The following FRMPD1 variants were observed in gnomAD, a reference collection of about 807,000 sequenced individuals.
The protein encoded by FRMPD1 is FERM and PDZ domain-containing protein 1.
Under a neutral mutation model 117.8 loss-of-function variants are expected in FRMPD1, and 76 were observed. That is an observed-to-expected ratio of 0.65 (90% confidence interval 0.54 to 0.78). The LOEUF (loss-of-function observed/expected upper bound fraction) is 0.78, where lower values mean the gene tolerates loss of function less well. FRMPD1 is among the 30% of genes least tolerant of loss of function. FRMPD1 has a pLI of 0.00. For missense variants in FRMPD1, 1,786 were observed against 1,964.5 expected (o/e 0.91, Z 1.72); for synonymous variants, 783 against 770.4 (o/e 1.02, Z -0.27).
intron 15 of FRMPD1, among the ~76,000 whole-genome samples, 194 bp from the exon 16 acceptor site, chr9:37,744,195 A>C (rs1298659855): frequency 6.6e-6 from 1 of 152,132 alleles, no homozygotes; most frequent in African/African-American, 2.4e-5. Flanking sequence ...GTCTCAAAAA[A>C]ATAAAAAAAA....
chr9:37,714,700 G>A (rs577608929), intron 5 of FRMPD1, among the ~76,000 whole-genome samples: 81 of 151,800 alleles, frequency 5.3e-4, no homozygotes, highest in South Asian at 2.1e-3. Context: ...AGGCTGGAGT[G>A]CAGTGGCGTG....
chr9:37,736,352 T>C (rs1427418075), intron 13 of FRMPD1, among the ~76,000 whole-genome samples: 1 of 151,720 alleles, frequency 6.6e-6, no homozygotes, highest in African/African-American at 2.4e-5. Context: ...TCAAAAGCTT[T>C]GAGTGGTGGG....
At chr9:37,722,990 C>G (rs967061438) in intron 6 of FRMPD1, among the ~76,000 whole-genome samples, 5 of 152,188 alleles carry the variant, frequency 3.3e-5, no homozygotes, top group African/African-American at 9.6e-5. Flanking sequence ...CCAACACAGA[C>G]CAGTCCTGTG....
chr9:37,739,305 C>G (rs187376399), intron 14 of FRMPD1, among the ~76,000 whole-genome samples: 28 of 152,272 alleles, frequency 1.8e-4, no homozygotes, highest in African/African-American at 6.0e-4. Context: ...GAGTCTGTAA[C>G]TGTTGTGGGG....
At chr9:37,650,163 A>G (rs1402095068), upstream of FRMPD1, among the ~76,000 whole-genome samples, 1 of 152,092 alleles carries the variant, frequency 6.6e-6, no homozygotes, top group Non-Finnish European at 1.5e-5. Context: ...CAGGATATGG[A>G]CCTCGTAGGT....
intron 4 of FRMPD1, 65 bp from the exon 5 acceptor site, chr9:37,711,285 G>T: frequency 2.0e-6 from 2 of 979,760 alleles, no homozygotes; most frequent in South Asian, 2.6e-5. Flanking sequence ...ACACATGTAT[G>T]CATGCACGTG....
the FRMPD1 span, among the ~76,000 whole-genome samples, chr9:37,618,395 C>T: frequency 2.0e-5 from 3 of 152,178 alleles, no homozygotes; most frequent in Non-Finnish European, 4.4e-5. Flanking sequence ...TCCACTGCTA[C>T]TTCTCATCAG....
rs761435424 is a variant in FRMPD1 at position 37,746,213 on chromosome 9, C to T, written c.4181C>T (p.Ser1394Leu). 3.2e-5 allele frequency: 51 copies of T among 1,613,144 alleles called. No homozygotes were observed. The highest frequency in any genetic ancestry group is 8.3e-5 in the Admixed American group (5 of 60,006). The change falls in exon 16 of 16, where the codon TCG becomes TTG. Residue 1394 changes from serine to leucine, a missense_variant. Physicochemically the swap from Ser to Leu is moderately radical, Grantham distance 145. Coordinates refer to ENST00000377765, the MANE Select transcript of FRMPD1 (RefSeq NM_014907.3). ...CACAGCTGCACCACCGCACCCCTGT[C>T]GAGGAAAAGCCACATCTGGCCAGAG... ...RAHSCTTAPL[S>L]RKSHIWPEYC...
intron 1 of FRMPD1, among the ~76,000 whole-genome samples, chr9:37,685,487 CAAA>C (rs770271962): frequency 7.2e-6 from 1 of 139,564 alleles, no homozygotes; most frequent in Admixed American, 7.1e-5. Flanking sequence ...ACTAAAAATA[CAAA>C]AAAAAAAAAA....
the FRMPD1 span, among the ~76,000 whole-genome samples, chr9:37,609,872 C>G: frequency 6.6e-6 from 1 of 152,152 alleles, no homozygotes; most frequent in African/African-American, 2.4e-5. Flanking sequence ...CTACTCAGGG[C>G]CCCAGAGTCT....
chr9:37,743,963 C>T (rs1163672464), intron 15 of FRMPD1, among the ~76,000 whole-genome samples: 1 of 151,168 alleles, frequency 6.6e-6, no homozygotes. Flanking sequence ...CCTAGGTAGG[C>T]GGATCATTTG....
the FRMPD1 span, among the ~76,000 whole-genome samples, chr9:37,615,168 A>C: frequency 6.6e-6 from 1 of 151,924 alleles, no homozygotes; most frequent in Non-Finnish European, 1.5e-5. Context: ...GTTGGAATGC[A>C]GTGGCGTGAT....
chr9:37,612,275 T>A, the FRMPD1 span, among the ~76,000 whole-genome samples: 1 of 152,232 alleles, frequency 6.6e-6, no homozygotes, highest in Admixed American at 6.5e-5. Flanking sequence ...CACAAACTTA[T>A]GAGGGGTGTG....
At chr9:37,708,356 T>C (rs747636192) in intron 3 of FRMPD1, 43 bp from the exon 4 acceptor site, 12 of 1,213,516 alleles carry the variant, frequency 9.9e-6, no homozygotes, top group Middle Eastern at 2.4e-4. Flanking sequence ...AGAGTCTGGG[T>C]CCTCCCGGCA....
chr9:37,645,965 G>A (rs1824132889), upstream of FRMPD1, among the ~76,000 whole-genome samples: 1 of 152,202 alleles, frequency 6.6e-6, no homozygotes, highest in Non-Finnish European at 1.5e-5. Flanking sequence ...GAGGAGTAAA[G>A]TGTAGCTCAG....
chr9:37,606,269 A>G, the FRMPD1 span, among the ~76,000 whole-genome samples: 1 of 152,210 alleles, frequency 6.6e-6, no homozygotes, highest in African/African-American at 2.4e-5. Flanking sequence ...GGAAGAGGGC[A>G]TTTATTCTGT....
chr9:37,741,450 GACACACACACACACACACAC>G (rs56971939), intron 15 of FRMPD1, among the ~76,000 whole-genome samples: 7 of 135,590 alleles, frequency 5.2e-5, no homozygotes, highest in Non-Finnish European at 9.5e-5. Flanking sequence ...ATCCTGGCAG[GACACACACACACACACACAC>G]ACACACACAC....
At position 37,729,768 on chromosome 9, in the gene FRMPD1, G is replaced by C; in HGVS notation, c.653G>C (p.Ser218Thr). ...LTVKEKLSIR[S>T]IEYFALALEE... ...GTGAAGGAGAAGCTGTCCATCCGAA[G>C]TATCGAGTACTTTGCACTGGCCCTG... Residue 218 changes from serine (S) to threonine (T), a missense_variant, in exon 8 of 16, where the codon AGT (serine) becomes ACT (threonine). Transcript: ENST00000377765. 6.2e-7 allele frequency: 1 copy of C among 1,614,088 alleles called. No individual in the cohort carries two copies. Among genetic ancestry groups the C allele is most frequent in the Non-Finnish European group, 8.5e-7 (1 of 1,179,958 alleles).
intron 15 of FRMPD1, among the ~76,000 whole-genome samples, chr9:37,742,621 G>A (rs1437813217): frequency 3.9e-5 from 6 of 152,154 alleles, no homozygotes; most frequent in African/African-American, 1.2e-4. Flanking sequence ...AGATTTGGCC[G>A]GGCGCAGTGG....
Sources: allele counts gnomAD v4.1 joint callset (sites outside exome capture counted in the v4.1 genomes callset), GRCh38; gene constraint gnomAD v4.1.1; transcripts MANE v1.5; gene names NCBI Gene and HGNC (gene_info 2026-07-23, HGNC 2026-07-21).